Variants in ERBB4 observed in about 807,000 individuals in gnomAD.
ERBB4 encodes receptor tyrosine-protein kinase erbB-4.
ERBB4 carries 42 observed loss-of-function variants against 158.0 expected under a neutral mutation model. That is an observed-to-expected ratio of 0.27 (90% CI 0.21 to 0.34). The LOEUF is 0.34. ERBB4 is among the 10% of genes least tolerant of loss of function. ERBB4 has a pLI of 1.00. For synonymous variants in ERBB4, 583 were observed against 558.7 expected, an observed-to-expected ratio of 1.04 and a Z score of -0.61; for missense variants, 1,333 against 1,624.1, an observed-to-expected ratio of 0.82 and a Z score of 3.08.
At chr2:211,832,568 A>G (rs1400515937) in intron 3 of ERBB4, among the ~76,000 whole-genome samples, 1 of 150,390 alleles carries the variant, frequency 6.6e-6, no homozygotes, top group Non-Finnish European at 1.5e-5. Flanking sequence ...AAATATATGT[A>G]TGTGTGTGTG....
intron 1 of ERBB4, among the ~76,000 whole-genome samples, chr2:212,379,538 T>C (rs2090435209): frequency 6.6e-6 from 1 of 151,750 alleles, no homozygotes; most frequent in Non-Finnish European, 1.5e-5. Flanking sequence ...CACTGAATAT[T>C]ATCTTGAGCC....
intron 3 of ERBB4, among the ~76,000 whole-genome samples, chr2:211,788,565 G>A (rs1027721187): frequency 1.3e-4 from 20 of 152,086 alleles, no homozygotes; most frequent in Admixed American, 5.2e-4. Flanking sequence ...AACAGGATAT[G>A]TCATAGTATA....
Position 212,202,658 on chromosome 2 carries a change from T to C in ERBB4, c.83-77755A>G, listed in dbSNP as rs142303833. On this transcript the variant is annotated intron_variant, in intron 1 of 27. Transcript: ENST00000342788. ...ACATAGCCCAAAATATTTAAATATATGTATTAAGTTTATCTTCATGATACA... is the reference window on the plus strand; with the variant it reads ...ACATAGCCCAAAATATTTAAATATACGTATTAAGTTTATCTTCATGATACA... Among the ~76,000 whole-genome samples the C allele has an allele frequency of 4.1e-4, 63 of 152,266 alleles. 1 individual carries two copies. Among genetic ancestry groups the C allele is most frequent in the Admixed American group, 9.2e-4 (14 of 15,282 alleles).
chr2:211,710,551 G>A (rs2073658340), intron 9 of ERBB4, among the ~76,000 whole-genome samples: 1 of 151,972 alleles, frequency 6.6e-6, no homozygotes. Context: ...GTTGATTAAG[G>A]GTGTCCCATC....
At chr2:211,658,051 A>G (rs1479468461) in intron 15 of ERBB4, 3 of 1,230,510 alleles carry the variant, frequency 2.4e-6, no homozygotes, top group Admixed American at 1.8e-5. Context: ...CATTTAAAAA[A>G]TCAGTAAAAT....
chr2:211,828,078 T>C (rs1044490778), intron 3 of ERBB4, among the ~76,000 whole-genome samples: 6 of 152,128 alleles, frequency 3.9e-5, no homozygotes, highest in African/African-American at 1.4e-4. Context: ...TAGGATAATA[T>C]ATGAGTTTAA....
chr2:212,288,343 G>A (rs923034797), intron 1 of ERBB4, among the ~76,000 whole-genome samples: 3 of 152,048 alleles, frequency 2.0e-5, no homozygotes, highest in Non-Finnish European at 4.4e-5. Flanking sequence ...AATATTACGA[G>A]GGCTCTATCT....
chr2:212,439,247 A>G (rs1181119608), intron 1 of ERBB4, among the ~76,000 whole-genome samples: 1 of 152,176 alleles, frequency 6.6e-6, no homozygotes, highest in African/African-American at 2.4e-5. Context: ...GCTAGTGGTT[A>G]TGTTGCAAGA....
rs564530600 is a variant in ERBB4, at chr2:212,509,817, CAGTT to C, written c.82+28628_82+28631del. 7.7e-3 allele frequency among the ~76,000 whole-genome samples: 1,167 copies of C among 151,984 alleles called. 8 individuals are homozygous for C. Among genetic ancestry groups the C allele is most frequent in the Middle Eastern group, 0.014 (4 of 294 alleles). ...TATAAAAAGCTGTTGAACTTACAGTCAGTTAGTTTCTATGTATTAAGTTATGATA... is the reference window on the plus strand; with the variant it reads ...TATAAAAAGCTGTTGAACTTACAGTCAGTTTCTATGTATTAAGTTATGATA... On this transcript the variant is annotated intron_variant, in intron 1 of 27. Coordinates refer to ENST00000342788, the MANE Select transcript of ERBB4 (RefSeq NM_005235.3).
intron 9 of ERBB4, among the ~76,000 whole-genome samples, chr2:211,710,886 T>C (rs1575029048): frequency 6.6e-6 from 1 of 152,152 alleles, no homozygotes. Context: ...ACCTCTTTTT[T>C]CTTTGTAAAT....
At chr2:212,194,069 T>C (rs2082352232) in intron 1 of ERBB4, among the ~76,000 whole-genome samples, 1 of 152,066 alleles carries the variant, frequency 6.6e-6, no homozygotes, top group African/African-American at 2.4e-5. Flanking sequence ...AAGATGTCTC[T>C]TGCATTTGCA....
chr2:212,095,792 G>C (rs180896986), intron 2 of ERBB4, among the ~76,000 whole-genome samples: 3,268 of 151,852 alleles, frequency 0.022, 117 homozygotes, highest in African/African-American at 0.075. Flanking sequence ...AAAATTAGCC[G>C]GGCGTGGTGG....
chr2:211,941,471 C>T (rs940784683), intron 3 of ERBB4, among the ~76,000 whole-genome samples: 1 of 151,990 alleles, frequency 6.6e-6, no homozygotes, highest in Non-Finnish European at 1.5e-5. Context: ...GAATATGTCT[C>T]TTGTGTAGGT....
intron 1 of ERBB4, among the ~76,000 whole-genome samples, chr2:212,295,517 T>C (rs1257338371): frequency 1.3e-5 from 2 of 151,986 alleles, no homozygotes; most frequent in Admixed American, 6.6e-5. Flanking sequence ...TTCATACACA[T>C]ACACACACAC....
chr2:211,659,995 G>A (rs2071358572), intron 15 of ERBB4, among the ~76,000 whole-genome samples: 1 of 152,166 alleles, frequency 6.6e-6, no homozygotes, highest in Non-Finnish European at 1.5e-5. Context: ...GGTTGGGGTG[G>A]CGGTGGCTTC....
intron 15 of ERBB4, among the ~76,000 whole-genome samples, chr2:211,660,158 T>C (rs1441916775): frequency 3.9e-5 from 6 of 152,194 alleles, no homozygotes; most frequent in Non-Finnish European, 7.4e-5. Context: ...TTGAGAAATA[T>C]TTGCTTAGTA....
At chr2:212,125,096 T>G in intron 1 of ERBB4, 193 bp from the exon 2 acceptor site, 1 of 614,670 alleles carries the variant, frequency 1.6e-6, no homozygotes. Flanking sequence ...AAATTACATG[T>G]GCTAATCACA....
intron 19 of ERBB4, among the ~76,000 whole-genome samples, chr2:211,612,272 A>G (rs1186474120): frequency 6.6e-6 from 1 of 152,114 alleles, no homozygotes; most frequent in Non-Finnish European, 1.5e-5. Context: ...CCAAGTAGTT[A>G]TTCTGTCTCC....
chr2:212,348,643 GGACA>G (rs1270582847), intron 1 of ERBB4, among the ~76,000 whole-genome samples: 5 of 147,828 alleles, frequency 3.4e-5, no homozygotes, highest in Non-Finnish European at 6.1e-5. Flanking sequence ...TAAATTCAGT[GGACA>G]GACTTGGTCA....
Sources: gnomAD v4.1 joint callset for allele counts (sites outside exome capture counted in the v4.1 genomes callset) on GRCh38, gnomAD v4.1.1 for gene constraint, MANE v1.5 for transcripts, NCBI Gene and HGNC (gene_info 2026-07-23, HGNC 2026-07-21) for gene names.